OSCP1: variants seen among roughly 807,000 people sequenced by gnomAD.
OSCP1 encodes the protein protein OSCP1.
Under a neutral mutation model 45.1 loss-of-function variants are expected in OSCP1, and 35 were observed. The observed-to-expected ratio is 0.78, with a 90% confidence interval of 0.59 to 1.03. OSCP1 has a LOEUF of 1.03. Among genes scored for constraint, OSCP1 ranks in the 50% least tolerant of loss-of-function variants. The pLI is 0.00. For synonymous variants in OSCP1, 179 were observed against 180.1 expected (o/e 0.99, Z 0.05); for missense variants, 400 against 470.7 (o/e 0.85, Z 1.39).
chr1:36,432,421 CT>C lies in OSCP1; in HGVS notation c.435del (p.Ile146TyrfsTer12). Reference protein sequence around the residue: ...QVDETLRQLTEIYGGLSAGEF... With the variant: ...QVDETLRQLTXIYGGLSAGEF... The stretch of plus-strand genomic sequence containing the variant: ...AGGCGAGACACTGATGGCACTCTTA[CT>C]TCTGTCAGCTGCCGCAAAGTCTCGT... On this transcript the variant is annotated frameshift_variant and splice_region_variant, in exon 3 of 10. Coordinates refer to ENST00000235532, the MANE Select transcript of OSCP1 (RefSeq NM_145047.5). LOFTEE classifies it high-confidence loss of function. 6.2e-7 allele frequency: 1 copy of C among 1,613,846 alleles called. No homozygotes were observed. The highest frequency in any genetic ancestry group is 8.5e-7 in the Non-Finnish European group (1 of 1,179,858).
chr1:36,448,418 T>C (rs1304200717), intron 1 of OSCP1, among the ~76,000 whole-genome samples: 1 of 152,174 alleles, frequency 6.6e-6, no homozygotes, highest in African/African-American at 2.4e-5. Flanking sequence ...ATTTAGATAA[T>C]CAGTTCAAAA....
At chr1:36,418,657 T>C (rs75694216) in intron 9 of OSCP1, 3,596 of 337,400 alleles carry the variant, frequency 0.011, 116 homozygotes, top group African/African-American at 0.071. Flanking sequence ...TGGCTCACCT[T>C]TGTAATCCCA....
intron 1 of OSCP1, among the ~76,000 whole-genome samples, chr1:36,449,654 T>C (rs1041167030): frequency 4.0e-4 from 61 of 151,190 alleles, no homozygotes; most frequent in Non-Finnish European, 6.6e-4. Context: ...CTGGGAAACA[T>C]GGTGAAACCC....
chr1:36,430,526 T>C (rs1648291557), intron 4 of OSCP1, among the ~76,000 whole-genome samples: 1 of 151,864 alleles, frequency 6.6e-6, no homozygotes, highest in Non-Finnish European at 1.5e-5. Flanking sequence ...TCCTAGCACT[T>C]TGAGAGGCTG....
At position 36,430,044 on chromosome 1, in the gene OSCP1, G is replaced by T. The variant is rs538059228; in HGVS notation, c.516+1758C>A. 1.6e-4 allele frequency among the ~76,000 whole-genome samples: 24 copies of T among 152,030 alleles called. No homozygotes were observed. In the South Asian group the frequency reaches 2.3e-3, roughly 15 times the overall value. ...AAACTCCTGACCACGTGATCCACCC[G>T]CCTCGGCCTCCCAAAGTGCTGGGAT... On this transcript the variant is annotated intron_variant, in intron 4 of 9. Transcript: ENST00000235532.
rs1028256164 is a variant in OSCP1 at position 36,419,012 on chromosome 1, A to G, written c.1002T>C (p.Val334=). ...GTACCTGGGTGGCTTGTATGTTGAT[A>G]ACTTCATAGGATAACTCTTCTGGCC... is the stretch of plus-strand genomic sequence containing the variant. ...LTRPEELSYE[V]INIQATQDQQ... The change falls in exon 9 of 10, where the codon GTT becomes GTC. Residue 334 remains valine (V), a synonymous_variant. Transcript: ENST00000235532. The G allele has an allele frequency of 5.6e-6, 9 of 1,611,626 alleles. No homozygotes were observed. The highest frequency in any genetic ancestry group is 1.3e-5 in the African/African-American group (1 of 74,770).
At chr1:36,420,142 A>ATTTTTTTTTT (rs879625733) in intron 8 of OSCP1, among the ~76,000 whole-genome samples, 22 of 138,518 alleles carry the variant, frequency 1.6e-4, no homozygotes, top group African/African-American at 5.8e-4. Context: ...CACCCAGCTA[A>ATTTTTTTTTT]TTTTTTTTTT....
At chr1:36,441,331 G>A (rs1439591158) in intron 1 of OSCP1, among the ~76,000 whole-genome samples, 1 of 152,210 alleles carries the variant, frequency 6.6e-6, no homozygotes, top group Non-Finnish European at 1.5e-5. Flanking sequence ...GGTTGAGGCA[G>A]ACCTATTAGG....
intron 4 of OSCP1, among the ~76,000 whole-genome samples, 187 bp from the exon 5 acceptor site, chr1:36,423,653 T>A (rs1200810535): frequency 6.6e-6 from 1 of 151,934 alleles, no homozygotes; most frequent in African/African-American, 2.4e-5. Context: ...GGCAGGCGGA[T>A]CATGAGGTCA....
At chr1:36,433,670 A>G (rs1312491540) in intron 2 of OSCP1, among the ~76,000 whole-genome samples, 1 of 152,218 alleles carries the variant, frequency 6.6e-6, no homozygotes, top group African/African-American at 2.4e-5. Context: ...TATTAAAAAT[A>G]GAATAAAGTT....
chr1:36,435,672 G>C lies in OSCP1; in HGVS notation c.268-3083C>G, dbSNP rs923614733. Among the ~76,000 whole-genome samples, 11 of 148,924 alleles carry C rather than the reference G, an allele frequency of 7.4e-5. 1 individual carries two copies. The highest frequency in any genetic ancestry group is 1.0e-4 in the Non-Finnish European group (7 of 67,288). ...TTTGAGACAGAGTTTTGCTCTTTTT[G>C]CCCAGGCTGGAGTGCAATGGCGCGA... On this transcript the variant is annotated intron_variant, in intron 2 of 9. Coordinates refer to ENST00000235532, the MANE Select transcript of OSCP1 (RefSeq NM_145047.5).
intron 2 of OSCP1, 132 bp downstream of exon 2, chr1:36,438,624 C>T: frequency 9.3e-7 from 1 of 1,071,328 alleles, no homozygotes; most frequent in Non-Finnish European, 1.3e-6. Context: ...AACTCAACAA[C>T]TACTAGTATT....
chr1:36,422,765 T>C lies in OSCP1; in HGVS notation c.749+3A>G. 1 of 1,581,690 alleles carries C rather than the reference T, an allele frequency of 6.3e-7. No individual in the cohort carries two copies. The highest frequency in any genetic ancestry group is 8.6e-7 in the Non-Finnish European group (1 of 1,162,220). Reference sequence around the variant, plus strand: ...GAATTCACTCAGAGAAGAATTTGCTTACATGTTAGTTCCCAGTTTCAGGAC... The same window carrying C: ...GAATTCACTCAGAGAAGAATTTGCTCACATGTTAGTTCCCAGTTTCAGGAC... On this transcript the variant is annotated splice_donor_region_variant and intron_variant, in intron 6 of 9. Coordinates refer to ENST00000235532, the MANE Select transcript of OSCP1 (RefSeq NM_145047.5).
chr1:36,428,603 G>A, intron 4 of OSCP1: 1 of 1,186,818 alleles, frequency 8.4e-7, no homozygotes, highest in Non-Finnish European at 1.1e-6. Context: ...TTTTGCCCAA[G>A]GTCATGGAGC....
At chr1:36,427,298 C>CTTTT (rs1215755284) in intron 4 of OSCP1, among the ~76,000 whole-genome samples, 1 of 40,080 alleles carries the variant, frequency 2.5e-5, no homozygotes, top group African/African-American at 1.4e-4. Context: ...TGGCGCCTGG[C>CTTTT]CTTTTTTTTT....
chr1:36,428,442 C>G (rs1648129176), intron 4 of OSCP1: 1 of 1,613,830 alleles, frequency 6.2e-7, no homozygotes, highest in South Asian at 1.1e-5. Context: ...GCACTGTGAA[C>G]AGTTTCTTGC....
intron 4 of OSCP1, among the ~76,000 whole-genome samples, chr1:36,428,829 C>T (rs1450445938): frequency 6.6e-6 from 1 of 152,144 alleles, no homozygotes; most frequent in Non-Finnish European, 1.5e-5. Flanking sequence ...CCTGTAATCT[C>T]AGCTGTTTGG....
intron 1 of OSCP1, among the ~76,000 whole-genome samples, chr1:36,441,499 AG>A (rs1649148027): frequency 6.6e-6 from 1 of 152,134 alleles, no homozygotes; most frequent in African/African-American, 2.4e-5. Context: ...CTGTAATCCC[AG>A]CACTTTGGGA....
Position 36,431,864 on chromosome 1 carries a change from C to A in OSCP1, c.454G>T (p.Ala152Ser). The A allele has an allele frequency of 6.2e-7, 1 of 1,613,312 alleles. No individual in the cohort carries two copies. Among genetic ancestry groups the A allele is most frequent in the Non-Finnish European group, 8.5e-7 (1 of 1,179,978 alleles). Residue 152 changes from alanine to serine, a missense_variant, in exon 4 of 10, where the codon GCA becomes TCA. Physicochemically the swap from Ala to Ser is moderately conservative, Grantham distance 99 (BLOSUM62 1). Coordinates refer to ENST00000235532, the MANE Select transcript of OSCP1 (RefSeq NM_145047.5). ...QLTEIYGGLSAGEFQLIRQTL... is the reference protein window; with the variant it reads ...QLTEIYGGLSSGEFQLIRQTL... ...TGCCGGATCAGCTGGAACTCCCCTGCAGAGAGACCACCATATATCTGCCAA... is the reference window on the plus strand; with the variant it reads ...TGCCGGATCAGCTGGAACTCCCCTGAAGAGAGACCACCATATATCTGCCAA...
Sources: gnomAD v4.1 joint callset for allele counts (sites outside exome capture counted in the v4.1 genomes callset) on GRCh38, gnomAD v4.1.1 for gene constraint, MANE v1.5 for transcripts, NCBI Gene and HGNC (gene_info 2026-07-23, HGNC 2026-07-21) for gene names.